NUP188: variants seen among roughly 807,000 people sequenced by gnomAD.
NUP188 encodes nucleoporin NUP188.
Under a neutral mutation model 223.0 loss-of-function variants are expected in NUP188, and 97 were observed. The ratio of observed to expected loss-of-function variants is 0.43; its 90% confidence interval spans 0.37 to 0.51. The LOEUF (loss-of-function observed/expected upper bound fraction) is 0.51, where lower values mean the gene tolerates loss of function less well. Among genes scored for constraint, NUP188 ranks in the 20% least tolerant of loss-of-function variants. The pLI, the probability that NUP188 is intolerant of heterozygous loss-of-function variation, is 0.00. For missense variants in NUP188, 1,947 were observed against 2,175.6 expected (o/e 0.89, Z 2.09); for synonymous variants, 869 against 828.0 (o/e 1.05, Z -0.85).
At chr9:128,950,825 C>CA in intron 2 of NUP188, among the ~76,000 whole-genome samples, 1 of 151,982 alleles carries the variant, frequency 6.6e-6, no homozygotes, top group East Asian at 1.9e-4. Flanking sequence ...GACCCCAGCT[C>CA]AAAAAAGCAA....
intron 34 of NUP188, among the ~76,000 whole-genome samples, chr9:129,000,813 C>T (rs1475165479): frequency 2.6e-5 from 4 of 151,306 alleles, no homozygotes; most frequent in African/African-American, 9.7e-5. Context: ...CCGAGGCGGG[C>T]AGATCATGAG....
intron 27 of NUP188, 38 bp downstream of exon 27, chr9:128,993,732 C>G: frequency 6.3e-7 from 1 of 1,586,988 alleles, no homozygotes; most frequent in Non-Finnish European, 8.6e-7. Flanking sequence ...TTGTTCTGGT[C>G]TATAAAATGG....
intron 20 of NUP188, 63 bp from the exon 21 acceptor site, chr9:128,986,495 T>C (rs1588283779): frequency 3.2e-6 from 5 of 1,550,560 alleles, no homozygotes; most frequent in Non-Finnish European, 1.8e-6. Context: ...GAATTAAATC[T>C]CTAGGTAACT....
At chr9:128,969,731 G>A (rs1588275757) in intron 10 of NUP188, among the ~76,000 whole-genome samples, 1 of 152,182 alleles carries the variant, frequency 6.6e-6, no homozygotes, top group Non-Finnish European at 1.5e-5. Flanking sequence ...TTGGCTCACT[G>A]CAACTTCCAC....
In NUP188 at chr9:129,006,499, T is replaced by A; in HGVS notation, c.5074-3T>A. On this transcript the variant is annotated splice_region_variant and splice_polypyrimidine_tract_variant and intron_variant, in intron 43 of 43. Transcript: ENST00000372577. ...CCTCACCAAGCCACTTTTTTTCTTG[T>A]AGAGCACGCTGCTGTCCAGCCTCTC... 10 of 1,612,474 alleles carry A rather than the reference T, an allele frequency of 6.2e-6. No homozygotes were observed. Among genetic ancestry groups the A allele is most frequent in the Non-Finnish European group, 8.5e-6 (10 of 1,179,454 alleles).
intron 24 of NUP188, among the ~76,000 whole-genome samples, chr9:128,988,719 ATTTTTTTTT>A (rs528821221): frequency 6.9e-5 from 5 of 72,866 alleles, no homozygotes; most frequent in Admixed American, 2.4e-4. Context: ...TAATTTTTTA[ATTTTTTTTT>A]TTTTTTTTTT....
Position 129,005,417 on chromosome 9 carries a change from T to C in NUP188, c.4624T>C (p.Ser1542Pro), listed in dbSNP as rs771575619. ...GCAGCCCGCTGCTGACACAGAGGCA[T>C]CAGAGCAGCAGGCCTTGCACACAGT... ...SKQPAADTEA[S>P]EQQALHTVQY... The change falls in exon 40 of 44, where the codon TCA (serine) becomes CCA (proline). Residue 1542 changes from serine to proline, a missense_variant. Physicochemically the swap from Ser to Pro is moderately conservative, Grantham distance 74 (BLOSUM62 -1). Transcript: ENST00000372577. 14 of 1,610,774 alleles carry C rather than the reference T, an allele frequency of 8.7e-6. No homozygotes were observed. The South Asian group carries it at 8.8e-5, about 10-fold the overall frequency.
At chr9:128,951,262 G>A (rs982866338) in intron 2 of NUP188, among the ~76,000 whole-genome samples, 7 of 149,024 alleles carry the variant, frequency 4.7e-5, no homozygotes, top group African/African-American at 7.5e-5. Flanking sequence ...AGTCGAGATC[G>A]CGCAACTGTA....
chr9:129,005,343 G>C lies in NUP188; in HGVS notation c.4550G>C (p.Arg1517Pro). ...GDGLPSAVAQ[R>P]VQRPPSAASA... is the part of the protein sequence containing the mutation. ...GGCCTCCCCTCAGCTGTTGCCCAGC[G>C]AGTCCAGAGGCCACCGTCTGCTGCT... Residue 1517 changes from arginine (R) to proline (P), a missense_variant, in exon 40 of 44, where the codon CGA (arginine) becomes CCA (proline). By Grantham distance (103) the Arg-to-Pro change is moderately radical (BLOSUM62 -2). This residue lies in a region of NUP188 where 905 missense variants were observed against 990.6 expected (regional missense o/e 0.91). Transcript: ENST00000372577. 6.2e-7 allele frequency: 1 copy of C among 1,614,014 alleles called. No homozygotes were observed. Among genetic ancestry groups the C allele is most frequent in the Non-Finnish European group, 8.5e-7 (1 of 1,180,032 alleles).
At chr9:128,988,719 ATTTTTTTTTTTTT>A (rs528821221) in intron 24 of NUP188, among the ~76,000 whole-genome samples, 5,212 of 73,418 alleles carry the variant, frequency 0.071, 324 homozygotes, top group African/African-American at 0.22. Context: ...TAATTTTTTA[ATTTTTTTTTTTTT>A]TTTTTTTTTT....
chr9:129,005,997 G>A (rs986816978), intron 41 of NUP188, 53 bp from the exon 42 acceptor site: 10 of 1,574,722 alleles, frequency 6.4e-6, no homozygotes, highest in South Asian at 2.2e-5. Flanking sequence ...GAAGCTCTCA[G>A]TAAGTGGGAG....
chr9:128,981,421 G>GA, intron 15 of NUP188, 31 bp downstream of exon 15: 1 of 1,565,064 alleles, frequency 6.4e-7, no homozygotes, highest in South Asian at 1.2e-5. Flanking sequence ...TTTTATGACA[G>GA]CTTTTTTTTT....
At chr9:128,960,697 C>T (rs1264879689) in intron 8 of NUP188, among the ~76,000 whole-genome samples, 2 of 152,136 alleles carry the variant, frequency 1.3e-5, no homozygotes, top group African/African-American at 2.4e-5. Flanking sequence ...TGCCTGTAAT[C>T]CTAGCACGGT....
rs982227309 is a variant in NUP188 at position 128,987,742 on chromosome 9, T to C, written c.2393+25T>C. 3.7e-6 allele frequency: 6 copies of C among 1,606,568 alleles called. No homozygotes were observed. In the African/African-American group the frequency reaches 6.7e-5, roughly 18 times the overall value. On this transcript the variant is annotated intron_variant, in intron 23 of 43. Coordinates refer to ENST00000372577, the MANE Select transcript of NUP188 (RefSeq NM_015354.3). ...GGTAGGGCTCCTTCTCCACGTTCCC[T>C]TTGTCTGTCTTTATTGTGCCTGCAT...
intron 8 of NUP188, among the ~76,000 whole-genome samples, chr9:128,967,734 G>A (rs887986184): frequency 2.6e-5 from 4 of 151,910 alleles, no homozygotes; most frequent in Admixed American, 2.0e-4. Context: ...AGGTTGCAGT[G>A]AGCCAAGATC....
In NUP188 at chr9:128,998,559, A is replaced by G. The variant is rs750557756; in HGVS notation, c.3451A>G (p.Asn1151Asp). Residue 1151 changes from asparagine (N) to aspartate (D), a missense_variant, in exon 32 of 44, where the codon AAC becomes GAC. Asn to Asp is a conservative substitution (Grantham distance 23, BLOSUM62 1). This residue lies in a region of NUP188 where 905 missense variants were observed against 990.6 expected (regional missense o/e 0.91). Transcript: ENST00000372577. ...KALLLVPASV[N>D]CLRLGSMKCT... The stretch of plus-strand genomic sequence containing the variant: ...TCAGCTCCTAGTTCCAGCCTCAGTG[A>G]ACTGCCTTCGCCTTGGCTCCATGAA... The G allele has an allele frequency of 1.1e-4, 179 of 1,614,036 alleles. No individual in the cohort carries two copies. Among genetic ancestry groups the G allele is most frequent in the Non-Finnish European group, 1.5e-4 (175 of 1,180,034 alleles).
intron 30 of NUP188, among the ~76,000 whole-genome samples, chr9:128,996,767 C>T (rs1842533279): frequency 6.6e-6 from 1 of 152,126 alleles, no homozygotes; most frequent in South Asian, 2.1e-4. Context: ...ATCCCACCAT[C>T]CTCTTTCCCC....
At chr9:128,962,210 C>T (rs148219455) in intron 8 of NUP188, among the ~76,000 whole-genome samples, 1 of 150,730 alleles carries the variant, frequency 6.6e-6, no homozygotes, top group African/African-American at 2.4e-5. Context: ...GCTGGGATTA[C>T]GGTGGTGAGC....
intron 30 of NUP188, among the ~76,000 whole-genome samples, chr9:128,997,577 C>T (rs1358614944): frequency 6.6e-6 from 1 of 152,100 alleles, no homozygotes; most frequent in Admixed American, 6.6e-5. Context: ...GCAGCCTCAA[C>T]CTCCAGGGCT....
Sources: allele counts gnomAD v4.1 joint callset (sites outside exome capture counted in the v4.1 genomes callset), GRCh38; gene constraint gnomAD v4.1.1; regional missense constraint gnomAD v4.1.1; transcripts MANE v1.5; gene names NCBI Gene and HGNC (gene_info 2026-07-23, HGNC 2026-07-21).